The following ASCC3 variants were observed in gnomAD, a reference collection of about 807,000 sequenced individuals.
ASCC3 encodes activating signal cointegrator 1 complex subunit 3.
In ASCC3, 158 loss-of-function variants were observed where a neutral mutation model predicts 256.3. That is an observed-to-expected ratio of 0.62 (90% confidence interval 0.54 to 0.70). The LOEUF is 0.70. ASCC3 is among the 30% of genes least tolerant of loss of function. ASCC3 has a pLI of 0.00. For synonymous variants in ASCC3, 948 were observed against 883.4 expected, an observed-to-expected ratio of 1.07 and a Z score of -1.30; for missense variants, 2,259 against 2,626.0, an observed-to-expected ratio of 0.86 and a Z score of 3.05.
At position 100,630,798 on chromosome 6, in the gene ASCC3, C is replaced by G. The variant is rs1302841399; in HGVS notation, c.4208+330G>C. 1.3e-5 allele frequency among the ~76,000 whole-genome samples: 2 copies of G among 151,594 alleles called. 1 individual carries two copies. Among genetic ancestry groups the G allele is most frequent in the South Asian group, 4.2e-4 (2 of 4,802 alleles). On this transcript the variant is annotated intron_variant, in intron 26 of 41. Coordinates refer to ENST00000369162, the MANE Select transcript of ASCC3 (RefSeq NM_006828.4). ...TTTCTGGAAGCTACTCTGCAAAATA[C>G]GAAAAAAATAGAGAGGCAGAACTTA...
intron 1 of ASCC3, among the ~76,000 whole-genome samples, chr6:100,877,703 G>A (rs182915651): frequency 6.6e-6 from 1 of 152,264 alleles, no homozygotes; most frequent in Admixed American, 6.5e-5. Flanking sequence ...GGAAGGCAGA[G>A]ACAGACAAAA....
chr6:100,681,001 C>T (rs930610666), intron 13 of ASCC3, among the ~76,000 whole-genome samples: 2 of 152,052 alleles, frequency 1.3e-5, no homozygotes, highest in Admixed American at 1.3e-4. Context: ...TGGGATTTGA[C>T]CAGAAAGGAG....
At position 100,548,823 on chromosome 6, in the gene ASCC3, G is replaced by C. The variant is rs77522827; in HGVS notation, c.5551-8436C>G. Among the ~76,000 whole-genome samples the C allele has an allele frequency of 7.1e-3, 1,082 of 151,872 alleles. 11 individuals are homozygous for C. Among genetic ancestry groups the C allele is most frequent in the African/African-American group, 0.024 (1,007 of 41,484 alleles). The stretch of plus-strand genomic sequence containing the variant: ...CAGTAGTTCTCCCTTATCCACAGGG[G>C]ATACATTCCAAGAACCCCAGCGGAC... On this transcript the variant is annotated intron_variant, in intron 36 of 41. Coordinates refer to ENST00000369162, the MANE Select transcript of ASCC3 (RefSeq NM_006828.4).
intron 37 of ASCC3, among the ~76,000 whole-genome samples, chr6:100,536,451 C>T (rs753021249): frequency 2.0e-5 from 3 of 152,236 alleles, no homozygotes; most frequent in Non-Finnish European, 4.4e-5. Flanking sequence ...GAAGCAAAGA[C>T]ACCCAAGTAG....
chr6:100,635,918 T>G lies in ASCC3; in HGVS notation c.4122+2683A>C, dbSNP rs148804925. 4.7e-4 allele frequency among the ~76,000 whole-genome samples: 71 copies of G among 152,300 alleles called. 1 individual carries two copies. In the East Asian group the frequency reaches 6.0e-3, roughly 13 times the overall value. On this transcript the variant is annotated intron_variant, in intron 25 of 41. Transcript: ENST00000369162. ...TCTTCATACAGAAAAGATTTGATTA[T>G]GAATTACTTTGTATTGTTTAACTTT... is the stretch of plus-strand genomic sequence containing the variant.
At position 100,516,208 on chromosome 6, in the gene ASCC3, C is replaced by G; in HGVS notation, c.6047G>C (p.Ser2016Thr). 6.2e-7 allele frequency: 1 copy of G among 1,613,698 alleles called. No homozygotes were observed. Among genetic ancestry groups the G allele is most frequent in the Non-Finnish European group, 8.5e-7 (1 of 1,179,692 alleles). The change falls in exon 39 of 42, where the codon AGT becomes ACT. Residue 2016 changes from serine (S) to threonine (T), a missense_variant. Ser to Thr is a moderately conservative substitution (Grantham distance 58, BLOSUM62 1). Around this residue, in one of 2 missense-constraint regions of ASCC3, gnomAD observed 1,839 missense variants for 2,206.7 expected, o/e 0.83. Coordinates refer to ENST00000369162, the MANE Select transcript of ASCC3 (RefSeq NM_006828.4). ...TTTCGTTTTTGCAGCATGTAGCTCA[C>G]TTTCTACCATGGAGCTAAATACATG... ...KDHVFSSMVE[S>T]ELHAAKTKQA...
At position 100,647,387 on chromosome 6, in the gene ASCC3, G is replaced by A; in HGVS notation, c.3317C>T (p.Thr1106Ile). 6.2e-7 allele frequency: 1 copy of A among 1,614,016 alleles called. No individual in the cohort carries two copies. Among genetic ancestry groups the A allele is most frequent in the Non-Finnish European group, 8.5e-7 (1 of 1,179,948 alleles). Residue 1106 changes from threonine to isoleucine, a missense_variant, in exon 21 of 42, where the codon ACC becomes ATC. Physicochemically the swap from Thr to Ile is moderately conservative, Grantham distance 89 (BLOSUM62 -1). This residue lies in a region of ASCC3 where 1,839 missense variants were observed against 2,206.7 expected (regional missense o/e 0.83). Transcript: ENST00000369162. ...IALRKRWPTM[T>I]YRLLNLSKVI... ...TTTACTAAGATTCAGGAGCCTGTAG[G>A]TCATGGTAGGCCAACGTTTCCTCAG...
intron 10 of ASCC3, among the ~76,000 whole-genome samples, chr6:100,743,844 A>G (rs1020344694): frequency 6.6e-6 from 1 of 152,214 alleles, no homozygotes; most frequent in African/African-American, 2.4e-5. Flanking sequence ...ACTGGATTAT[A>G]ATGAATATGA....
intron 13 of ASCC3, among the ~76,000 whole-genome samples, chr6:100,681,742 A>AAAAAAG (rs1777316948): frequency 6.6e-6 from 1 of 151,144 alleles, no homozygotes; most frequent in East Asian, 1.9e-4. Context: ...AAAAAAAAAA[A>AAAAAAG]AAAAAGAAAA....
In ASCC3 at chr6:100,625,265, G is replaced by A; in HGVS notation, c.4712C>T (p.Thr1571Ile). Residue 1571 changes from threonine (T) to isoleucine (I), a missense_variant, in exon 30 of 42, where the codon ACT becomes ATT. Coordinates refer to ENST00000369162, the MANE Select transcript of ASCC3 (RefSeq NM_006828.4). ...CAGGAAGGCGATCAATTCCAAAGCA[G>A]TAAGACGAGTTTGACGTCTTGATGA... ...FVSSRRQTRL[T>I]ALELIAFLAT... The A allele has an allele frequency of 6.2e-7, 1 of 1,613,030 alleles. No homozygotes were observed. The highest frequency in any genetic ancestry group is 8.5e-7 in the Non-Finnish European group (1 of 1,179,286).
At chr6:100,774,273 T>C (rs1782074871) in intron 8 of ASCC3, among the ~76,000 whole-genome samples, 1 of 152,106 alleles carries the variant, frequency 6.6e-6, no homozygotes, top group African/African-American at 2.4e-5. Flanking sequence ...TCCTCCTGCC[T>C]CAACCTTCTG....
chr6:100,703,984 T>C (rs1312474654), intron 13 of ASCC3, among the ~76,000 whole-genome samples: 1 of 151,504 alleles, frequency 6.6e-6, no homozygotes, highest in Non-Finnish European at 1.5e-5. Flanking sequence ...AGTTTTAAAA[T>C]TCTAAGCAAA....
chr6:100,871,096 C>CT lies in ASCC3; in HGVS notation c.-41-3059dup, dbSNP rs565312321. Among the ~76,000 whole-genome samples, 521 of 146,408 alleles carry CT rather than the reference C, an allele frequency of 3.6e-3. 3 individuals carry two copies. Among genetic ancestry groups the CT allele is most frequent in the African/African-American group, 9.6e-3 (386 of 40,328 alleles). On this transcript the variant is annotated intron_variant, in intron 1 of 41. Coordinates refer to ENST00000369162, the MANE Select transcript of ASCC3 (RefSeq NM_006828.4). ...TGTCTTAGAGATGATGTCTTTTATT[C>CT]TTTTTTTTTTTTCTTTTGAGACGGA...
chr6:100,815,688 G>A (rs1160323659), intron 4 of ASCC3, among the ~76,000 whole-genome samples: 1 of 152,026 alleles, frequency 6.6e-6, no homozygotes, highest in African/African-American at 2.4e-5. Flanking sequence ...TTCAATAAAT[G>A]GTGCTAGAAT....
rs1171673382 is a variant in ASCC3, at chr6:100,867,768, A to G, written c.90+140T>C. 104 of 719,116 alleles carry G rather than the reference A, an allele frequency of 1.4e-4. 1 individual carries two copies. The South Asian group carries it at 1.5e-3, about 10-fold the overall frequency. 44.5% of individuals were successfully genotyped at this position (719,116 alleles called of 1,614,324 possible). On this transcript the variant is annotated intron_variant, in intron 2 of 41. Coordinates refer to ENST00000369162, the MANE Select transcript of ASCC3 (RefSeq NM_006828.4). Reference sequence around the variant, plus strand: ...ATTACCATAGTAAACAGCAGCATACACATTCTCCATCTTTGCCTCACACCA... The same window carrying G: ...ATTACCATAGTAAACAGCAGCATACGCATTCTCCATCTTTGCCTCACACCA...
intron 18 of ASCC3, 120 bp downstream of exon 18, chr6:100,652,605 C>G: frequency 9.1e-7 from 1 of 1,099,766 alleles, no homozygotes; most frequent in East Asian, 2.6e-5. Context: ...CTGTTGAATT[C>G]ATATAAGTTA....
At chr6:100,817,034 C>A (rs1431283417) in intron 4 of ASCC3, among the ~76,000 whole-genome samples, 1 of 151,922 alleles carries the variant, frequency 6.6e-6, no homozygotes, top group Non-Finnish European at 1.5e-5. Flanking sequence ...GCAGAACATA[C>A]ATTCTTCTCT....
intron 24 of ASCC3, among the ~76,000 whole-genome samples, chr6:100,639,040 G>C (rs1774985274): frequency 6.6e-6 from 1 of 152,152 alleles, no homozygotes; most frequent in Non-Finnish European, 1.5e-5. Flanking sequence ...TTCTGGGGGA[G>C]TGCCCTATAA....
chr6:100,721,913 A>G (rs946408567), intron 11 of ASCC3, among the ~76,000 whole-genome samples: 2 of 151,824 alleles, frequency 1.3e-5, no homozygotes, highest in Middle Eastern at 3.4e-3. Context: ...TGCCAAGGCC[A>G]GTGTCAAGAA....
Sources: gnomAD v4.1 joint callset for allele counts (sites outside exome capture counted in the v4.1 genomes callset) on GRCh38, gnomAD v4.1.1 for gene constraint, gnomAD v4.1.1 regional missense constraint, MANE v1.5 for transcripts, NCBI Gene and HGNC (gene_info 2026-07-23, HGNC 2026-07-21) for gene names.